The following ENOX1 variants were observed in gnomAD, a reference collection of about 807,000 sequenced individuals.
The protein encoded by ENOX1 is candidate growth-related and time keeping constitutive hydroquinone (NADH) oxidase.
Under a neutral mutation model 82.5 loss-of-function variants are expected in ENOX1, and 42 were observed. The ratio of observed to expected loss-of-function variants is 0.51; its 90% CI spans 0.40 to 0.66. The LOEUF is 0.66. ENOX1 is among the 30% of genes least tolerant of loss of function. The pLI, the probability that ENOX1 is intolerant of heterozygous loss-of-function variation, is 0.00. For missense variants in ENOX1, 608 were observed against 811.6 expected (o/e 0.75, Z 3.05); for synonymous variants, 271 against 282.2 (o/e 0.96, Z 0.40).
At chr13:43,357,150 C>T (rs2050208184) in intron 7 of ENOX1, among the ~76,000 whole-genome samples, 1 of 152,144 alleles carries the variant, frequency 6.6e-6, no homozygotes, top group Non-Finnish European at 1.5e-5. Flanking sequence ...CCAGCAGAGA[C>T]ACAGCTGCTG....
chr13:43,616,520 ATCCTT>A (rs1268500543), intron 2 of ENOX1, among the ~76,000 whole-genome samples: 1 of 151,870 alleles, frequency 6.6e-6, no homozygotes, highest in African/African-American at 2.4e-5. Flanking sequence ...ATATTTTTAA[ATCCTT>A]TCAATACACT....
At chr13:43,307,648 T>C (rs1037759643) in intron 11 of ENOX1, among the ~76,000 whole-genome samples, 2 of 152,226 alleles carry the variant, frequency 1.3e-5, no homozygotes, top group African/African-American at 4.8e-5. Context: ...CTCTGCCATG[T>C]CTTCTCACAT....
chr13:43,623,194 G>A (rs902584984), intron 2 of ENOX1, among the ~76,000 whole-genome samples: 10 of 152,188 alleles, frequency 6.6e-5, no homozygotes, highest in Non-Finnish European at 1.3e-4. Flanking sequence ...CTCCAACTAC[G>A]AAAGAAAAGG....
At chr13:43,596,686 T>C (rs2081489144) in intron 2 of ENOX1, among the ~76,000 whole-genome samples, 1 of 152,262 alleles carries the variant, frequency 6.6e-6, no homozygotes, top group Admixed American at 6.5e-5. Flanking sequence ...ATAGGTTTCA[T>C]GTGTTAATGT....
At chr13:43,623,698 C>T (rs796879530) in intron 2 of ENOX1, among the ~76,000 whole-genome samples, 6 of 152,100 alleles carry the variant, frequency 3.9e-5, no homozygotes, top group African/African-American at 1.2e-4. Flanking sequence ...TGTGAGTCCC[C>T]GCACACTGCT....
intron 2 of ENOX1, among the ~76,000 whole-genome samples, chr13:43,592,507 G>C (rs908841678): frequency 1.3e-5 from 2 of 152,072 alleles, no homozygotes; most frequent in African/African-American, 4.8e-5. Context: ...ATTTATTCTT[G>C]TCAGTAATAG....
chr13:43,590,725 G>A (rs111433774), intron 2 of ENOX1, among the ~76,000 whole-genome samples: 10 of 150,638 alleles, frequency 6.6e-5, no homozygotes, highest in South Asian at 4.2e-4. Flanking sequence ...GCAGTGAGCC[G>A]GGATCACACC....
chr13:43,362,159 A>ACACACG (rs1555333370), intron 5 of ENOX1, among the ~76,000 whole-genome samples: 1 of 40,166 alleles, frequency 2.5e-5, no homozygotes, highest in African/African-American at 5.2e-5. Flanking sequence ...CCTGTATTAC[A>ACACACG]CACACACACA....
chr13:43,520,351 C>G (rs189370824), intron 2 of ENOX1, among the ~76,000 whole-genome samples: 3 of 152,120 alleles, frequency 2.0e-5, no homozygotes, highest in Admixed American at 2.0e-4. Context: ...AACAGTCAAT[C>G]TGCACACACA....
chr13:43,255,505 A>C (rs1053475990), intron 14 of ENOX1, among the ~76,000 whole-genome samples: 1 of 152,164 alleles, frequency 6.6e-6, no homozygotes, highest in African/African-American at 2.4e-5. Flanking sequence ...TTGTTCACAG[A>C]TGACATGATC....
intron 5 of ENOX1, among the ~76,000 whole-genome samples, chr13:43,375,567 T>A (rs1278213519): frequency 6.6e-6 from 1 of 152,182 alleles, no homozygotes; most frequent in Non-Finnish European, 1.5e-5. Flanking sequence ...CACATAGCTG[T>A]GTTAGAAAGT....
chr13:43,240,273 C>T (rs949310247), intron 14 of ENOX1, among the ~76,000 whole-genome samples: 2 of 152,140 alleles, frequency 1.3e-5, no homozygotes, highest in African/African-American at 2.4e-5. Flanking sequence ...ATATGGCATT[C>T]AAACTGATCA....
intron 1 of ENOX1, among the ~76,000 whole-genome samples, chr13:43,693,623 T>C (rs2086483623): frequency 6.6e-6 from 1 of 152,212 alleles, no homozygotes; most frequent in South Asian, 2.1e-4. Context: ...GAAGCTAATT[T>C]CCTTTCTCTG....
chr13:43,467,833 T>C (rs936577086), intron 3 of ENOX1, among the ~76,000 whole-genome samples: 63 of 152,314 alleles, frequency 4.1e-4, no homozygotes, highest in African/African-American at 1.4e-3. Flanking sequence ...TTTTTGTATA[T>C]GGTGTGACAC....
At chr13:43,649,183 AAAC>A (rs1207892078) in intron 2 of ENOX1, among the ~76,000 whole-genome samples, 1 of 152,236 alleles carries the variant, frequency 6.6e-6, no homozygotes, top group Non-Finnish European at 1.5e-5. Context: ...AAAATAGTAC[AAAC>A]AACTTCAATT....
chr13:43,604,308 C>T (rs570679996), intron 2 of ENOX1, among the ~76,000 whole-genome samples: 38 of 151,866 alleles, frequency 2.5e-4, no homozygotes, highest in Admixed American at 1.0e-3. Flanking sequence ...GAGTAGGTTG[C>T]GAAAATTTTC....
chr13:43,542,320 G>C (rs1267357729), intron 2 of ENOX1, among the ~76,000 whole-genome samples: 1 of 150,606 alleles, frequency 6.6e-6, no homozygotes, highest in Non-Finnish European at 1.5e-5. Context: ...TTTTTGTAGA[G>C]ACAGGGTTTC....
chr13:43,272,084 T>C (rs2044718128), intron 12 of ENOX1, among the ~76,000 whole-genome samples: 1 of 152,206 alleles, frequency 6.6e-6, no homozygotes, highest in African/African-American at 2.4e-5. Context: ...GAGATTTTAC[T>C]GAGCTTGATT....
intron 11 of ENOX1, among the ~76,000 whole-genome samples, chr13:43,302,446 A>G (rs545802545): frequency 6.6e-6 from 1 of 152,308 alleles, no homozygotes; most frequent in African/African-American, 2.4e-5. Context: ...ATTTCTAGTT[A>G]CTCAGTAATT....
Sources: allele counts gnomAD v4.1 joint callset (sites outside exome capture counted in the v4.1 genomes callset), GRCh38; gene constraint gnomAD v4.1.1; transcripts MANE v1.5; gene names NCBI Gene and HGNC (gene_info 2026-07-23, HGNC 2026-07-21).